Variants in LOXHD1 observed in about 807,000 individuals in gnomAD.
LOXHD1 encodes lipoxygenase homology PLAT domains 1.
Under a neutral mutation model 248.2 loss-of-function variants are expected in LOXHD1, and 205 were observed. The observed-to-expected ratio is 0.83, with a 90% CI of 0.74 to 0.93. The LOEUF (loss-of-function observed/expected upper bound fraction) is 0.93, where lower values mean the gene tolerates loss of function less well. LOXHD1 is among the 40% of genes least tolerant of loss of function. The pLI, the probability that LOXHD1 is intolerant of heterozygous loss-of-function variation, is 0.00. For synonymous variants in LOXHD1, 1,113 were observed against 1,162.8 expected (o/e 0.96, Z 0.87); for missense variants, 2,930 against 2,971.6 (o/e 0.99, Z 0.33).
intron 15 of LOXHD1, among the ~76,000 whole-genome samples, chr18:46,571,041 A>G (rs903531473): frequency 2.0e-5 from 3 of 152,192 alleles, no homozygotes; most frequent in Admixed American, 6.5e-5. Context: ...TGGAGGGGGA[A>G]TAGGGGTCCT....
chr18:46,563,490 C>G (rs368096098), intron 17 of LOXHD1, among the ~76,000 whole-genome samples: 1 of 152,166 alleles, frequency 6.6e-6, no homozygotes, highest in African/African-American at 2.4e-5. Flanking sequence ...CTGCACCACA[C>G]GCACCAGGAA....
Position 46,547,001 on chromosome 18 carries a change from G to A in LOXHD1, c.3408C>T (p.Ser1136=), listed in dbSNP as rs1273562805. 1.9e-6 allele frequency: 3 copies of A among 1,551,632 alleles called. No individual in the cohort carries two copies. In the Admixed American group the frequency reaches 5.9e-5, roughly 30 times the overall value. Residue 1136 remains serine (S), a synonymous_variant, in exon 22 of 41, where the codon TCC becomes TCT. Coordinates refer to ENST00000642948, the MANE Select transcript of LOXHD1 (RefSeq NM_001384474.1). The part of the protein sequence containing the change: ...LAVEEDDGQL[S]RELLPVDESY... The stretch of plus-strand genomic sequence containing the variant: ...ACTCATCCACTGGCAACAGCTCCCT[G>A]GACAGCTGGCCATCATCTTCCTCCA...
At position 46,488,967 on chromosome 18, in the gene LOXHD1, C is replaced by T. The variant is rs566608226; in HGVS notation, c.6049+5G>A. 1.9e-6 allele frequency: 3 copies of T among 1,550,420 alleles called. No individual in the cohort carries two copies. The highest frequency in any genetic ancestry group is 1.2e-5 in the South Asian group (1 of 84,026). ...CCTCCTGAGCCAATGATCTCCCCCA[C>T]ATACTGGTCTCTTCCAGCTCATCAC... On this transcript the variant is annotated splice_donor_5th_base_variant and intron_variant, in intron 38 of 40. Coordinates refer to ENST00000642948, the MANE Select transcript of LOXHD1 (RefSeq NM_001384474.1).
intron 12 of LOXHD1, among the ~76,000 whole-genome samples, chr18:46,584,574 TA>T (rs761863511): frequency 1.3e-5 from 2 of 151,912 alleles, no homozygotes; most frequent in Non-Finnish European, 2.9e-5. Flanking sequence ...ATTAGTAATT[TA>T]AAAAAAACCT....
intron 21 of LOXHD1, among the ~76,000 whole-genome samples, chr18:46,548,821 C>T (rs2036961380): frequency 6.6e-6 from 1 of 152,104 alleles, no homozygotes; most frequent in African/African-American, 2.4e-5. Flanking sequence ...GGTACAAGCC[C>T]TCCCATGCAT....
chr18:46,488,173 G>A (rs1209565801), intron 38 of LOXHD1, among the ~76,000 whole-genome samples: 2 of 152,302 alleles, frequency 1.3e-5, no homozygotes, highest in African/African-American at 4.8e-5. Flanking sequence ...CATAGGGAGT[G>A]GGAGGGGCTG....
In LOXHD1 at chr18:46,521,212, T is replaced by C. The variant is rs755416958; in HGVS notation, c.5156A>G (p.Gln1719Arg). The change falls in exon 33 of 41, where the codon CAG becomes CGG. Residue 1719 changes from glutamine to arginine, a missense_variant. Coordinates refer to ENST00000642948, the MANE Select transcript of LOXHD1 (RefSeq NM_001384474.1). ...VEELCLAVPT[Q>R]GTKYMLNCNC... ...ACAGTTCAACATGTACTTGGTGCCC[T>C]GGGTGGGCACTGCCAAACACAACTC... The C allele has an allele frequency of 6.4e-7, 1 of 1,551,736 alleles. No individual in the cohort carries two copies.
At chr18:46,501,827 G>T (rs1037923163) in intron 37 of LOXHD1, among the ~76,000 whole-genome samples, 7 of 152,174 alleles carry the variant, frequency 4.6e-5, no homozygotes, top group Non-Finnish European at 1.0e-4. Context: ...GGATTGTTAG[G>T]CCTGCAAAGG....
rs780168166 is a variant in LOXHD1 at position 46,483,568 on chromosome 18, G to A, written c.6341+19C>T. 2 of 1,551,492 alleles carry A rather than the reference G, an allele frequency of 1.3e-6. No individual in the cohort carries two copies. Among genetic ancestry groups the A allele is most frequent in the Non-Finnish European group, 1.7e-6 (2 of 1,146,920 alleles). On this transcript the variant is annotated intron_variant, in intron 40 of 40. Transcript: ENST00000642948. ...TGCTGAGGGAGTGGCACTTCCTTGG[G>A]GAGAGGCTCAGTACATACACATTGC...
At chr18:46,552,389 C>T (rs2037143573) in intron 21 of LOXHD1, among the ~76,000 whole-genome samples, 1 of 152,212 alleles carries the variant, frequency 6.6e-6, no homozygotes, top group Non-Finnish European at 1.5e-5. Context: ...CATTTAGAAA[C>T]AAGAGCATTT....
At chr18:46,523,170 C>G (rs753406719) in intron 31 of LOXHD1, among the ~76,000 whole-genome samples, 2 of 152,186 alleles carry the variant, frequency 1.3e-5, no homozygotes, top group East Asian at 1.9e-4. Flanking sequence ...TGGTCTCAAA[C>G]TCTTGACCTC....
intron 4 of LOXHD1, among the ~76,000 whole-genome samples, chr18:46,622,756 C>T (rs1324930618): frequency 6.6e-6 from 1 of 152,224 alleles, no homozygotes; most frequent in South Asian, 2.1e-4. Flanking sequence ...CCTGCCCCTA[C>T]AATGCCATGT....
Position 46,619,823 on chromosome 18 carries a change from C to A in LOXHD1, c.512-1533G>T, listed in dbSNP as rs560300348. 2.0e-4 allele frequency among the ~76,000 whole-genome samples: 31 copies of A among 152,290 alleles called. No individual in the cohort carries two copies. The East Asian group carries it at 5.0e-3, about 25-fold the overall frequency. On this transcript the variant is annotated intron_variant, in intron 4 of 40. Transcript: ENST00000642948. ...AGTGCCTTCCCTTTCTCTCCTCAAT[C>A]CTCACTTGAGGAAACCCATCAATGG...
chr18:46,635,656 A>C (rs547808168), intron 4 of LOXHD1, among the ~76,000 whole-genome samples: 35 of 152,310 alleles, frequency 2.3e-4, no homozygotes, highest in African/African-American at 7.9e-4. Context: ...AGATTTATCT[A>C]ATGTTGTGAA....
chr18:46,522,066 G>T (rs1241664723), intron 32 of LOXHD1, 35 bp downstream of exon 32: 10 of 1,503,404 alleles, frequency 6.7e-6, no homozygotes, highest in South Asian at 1.2e-5. Flanking sequence ...TATCCCTAGG[G>T]TGGTCACTAT....
chr18:46,640,603 A>G (rs1377579878), intron 3 of LOXHD1, among the ~76,000 whole-genome samples: 1 of 152,248 alleles, frequency 6.6e-6, no homozygotes, highest in East Asian at 1.9e-4. Flanking sequence ...ACATATAATT[A>G]TGTAAAAATG....
intron 26 of LOXHD1, among the ~76,000 whole-genome samples, chr18:46,537,536 C>A (rs1253833421): frequency 6.6e-6 from 1 of 152,164 alleles, no homozygotes; most frequent in African/African-American, 2.4e-5. Context: ...GTGTCTCCCA[C>A]CCAACCTAGT....
intron 38 of LOXHD1, among the ~76,000 whole-genome samples, chr18:46,487,870 G>A (rs2033176896): frequency 6.6e-6 from 1 of 152,188 alleles, no homozygotes; most frequent in Non-Finnish European, 1.5e-5. Context: ...CCAAGTTCTG[G>A]GAGCCAATAT....
At chr18:46,532,463 G>A (rs1224024837) in intron 28 of LOXHD1, among the ~76,000 whole-genome samples, 1 of 152,172 alleles carries the variant, frequency 6.6e-6, no homozygotes, top group East Asian at 1.9e-4. Flanking sequence ...TGAGGACTGA[G>A]CCTTGAGGAA....
Sources: gnomAD v4.1 joint callset for allele counts (sites outside exome capture counted in the v4.1 genomes callset) on GRCh38, gnomAD v4.1.1 for gene constraint, MANE v1.5 for transcripts, NCBI Gene and HGNC (gene_info 2026-07-23, HGNC 2026-07-21) for gene names.